The following LPP variants were observed in gnomAD, a reference collection of about 807,000 sequenced individuals.
The protein encoded by LPP is lipoma-preferred partner.
A neutral mutation model predicts 60.4 loss-of-function variants in LPP; 38 were observed. The observed-to-expected ratio is 0.63, with a 90% CI of 0.49 to 0.83. The LOEUF (loss-of-function observed/expected upper bound fraction) is 0.83, where lower values mean the gene tolerates loss of function less well. LPP is among the 40% of genes least tolerant of loss of function. The pLI, the probability that LPP is intolerant of heterozygous loss-of-function variation, is 0.00. For missense variants in LPP, 902 were observed against 783.6 expected (o/e 1.15, Z -1.80); for synonymous variants, 328 against 290.8 (o/e 1.13, Z -1.30).
chr3:188,621,613 T>C (rs1845812924), intron 7 of LPP, among the ~76,000 whole-genome samples: 1 of 152,210 alleles, frequency 6.6e-6, no homozygotes, highest in Admixed American at 6.5e-5. Flanking sequence ...CACATCCTAG[T>C]GCGTGTAACC....
intron 8 of LPP, among the ~76,000 whole-genome samples, chr3:188,716,086 C>A (rs1713874226): frequency 6.6e-6 from 1 of 152,218 alleles, no homozygotes; most frequent in Non-Finnish European, 1.5e-5. Context: ...GGTAAATTAT[C>A]TTCTCAGAAC....
intron 4 of LPP, among the ~76,000 whole-genome samples, chr3:188,407,430 G>A (rs2148878350): frequency 6.6e-6 from 1 of 152,308 alleles, no homozygotes; most frequent in East Asian, 1.9e-4. Context: ...CCTAGGTTGG[G>A]TGGTAGAGAG....
intron 7 of LPP, among the ~76,000 whole-genome samples, chr3:188,705,210 T>G (rs1241790110): frequency 2.0e-5 from 3 of 152,240 alleles, no homozygotes; most frequent in African/African-American, 4.8e-5. Context: ...AGAATCTCCT[T>G]TAACATTTCC....
intron 1 of LPP, among the ~76,000 whole-genome samples, chr3:188,186,779 T>C (rs934832649): frequency 4.8e-5 from 7 of 145,916 alleles, no homozygotes; most frequent in Admixed American, 3.7e-4. Flanking sequence ...ATCATATTTC[T>C]AAATAATATG....
Position 188,484,775 on chromosome 3 carries a change from G to A in LPP, c.306+71G>A, listed in dbSNP as rs116830702. The A allele has an allele frequency of 5.5e-4, 612 of 1,115,516 alleles. 5 individuals carry two copies. In the African/African-American group the frequency reaches 6.8e-3, roughly 12 times the overall value. The allele number at this position is 1,115,516 out of a possible 1,614,324, so 69.1% of individuals were successfully genotyped here. ...AGTCATGTTTATAAGCCATCCTAGG[G>A]AGCTCATGAATTTCATGAGTGTTTC... On this transcript the variant is annotated intron_variant, in intron 5 of 11. Transcript: ENST00000617246.
chr3:188,756,484 G>T (rs1730295566), intron 8 of LPP, among the ~76,000 whole-genome samples: 1 of 152,104 alleles, frequency 6.6e-6, no homozygotes, highest in Admixed American at 6.6e-5. Context: ...TGAGATACTT[G>T]TCTAAAAGAT....
chr3:188,774,911 A>C (rs1737237006), intron 9 of LPP, among the ~76,000 whole-genome samples: 1 of 152,104 alleles, frequency 6.6e-6, no homozygotes, highest in Admixed American at 6.5e-5. Flanking sequence ...TCAACATATA[A>C]ATTTATAAAG....
chr3:188,178,950 CAGAG>C (rs1266634293), intron 1 of LPP: 1 of 259,200 alleles, frequency 3.9e-6, no homozygotes, highest in Non-Finnish European at 7.7e-6. Context: ...TATATTAGGC[CAGAG>C]GTGGGGAGTG....
chr3:188,765,867 T>C (rs1354827930), intron 9 of LPP, among the ~76,000 whole-genome samples: 1 of 129,984 alleles, frequency 7.7e-6, no homozygotes, highest in Admixed American at 7.7e-5. Flanking sequence ...AACTCTTTTT[T>C]TTTTTTTTTT....
intron 2 of LPP, among the ~76,000 whole-genome samples, chr3:188,252,878 T>A (rs891166370): frequency 6.6e-6 from 1 of 152,246 alleles, no homozygotes; most frequent in African/African-American, 2.4e-5. Context: ...TTCAAGTGAT[T>A]CCCCTGCCTC....
chr3:188,412,044 A>C (rs1785034718), intron 4 of LPP, among the ~76,000 whole-genome samples: 1 of 151,874 alleles, frequency 6.6e-6, no homozygotes, highest in Admixed American at 6.6e-5. Context: ...CCATCATTAA[A>C]ATAGATAATC....
chr3:188,359,096 C>A (rs1041273475), intron 3 of LPP, among the ~76,000 whole-genome samples: 10 of 152,212 alleles, frequency 6.6e-5, no homozygotes, highest in Admixed American at 2.0e-4. Flanking sequence ...GAGCCCTCTT[C>A]CAGCCAACCA....
intron 6 of LPP, among the ~76,000 whole-genome samples, chr3:188,564,896 T>G (rs1337948689): frequency 1.3e-5 from 2 of 151,990 alleles, no homozygotes; most frequent in Non-Finnish European, 2.9e-5. Context: ...CTGTTTAGTC[T>G]TCTTCTGAAC....
chr3:188,791,831 T>A (rs952166690), intron 9 of LPP, among the ~76,000 whole-genome samples: 2 of 152,242 alleles, frequency 1.3e-5, no homozygotes, highest in African/African-American at 4.8e-5. Context: ...CACCTGTTAT[T>A]TTTTTAGTAT....
At chr3:188,760,409 G>GGTGGGT (rs1553836226) in intron 9 of LPP, 127 bp downstream of exon 9, 201 of 602,814 alleles carry the variant, frequency 3.3e-4, no homozygotes, top group Admixed American at 2.3e-3. Context: ...GTGTGTGTGG[G>GGTGGGT]GTGTGTGTGT....
intron 4 of LPP, among the ~76,000 whole-genome samples, chr3:188,457,728 TAAA>T (rs1233519681): frequency 9.7e-6 from 1 of 103,426 alleles, no homozygotes; most frequent in Non-Finnish European, 2.2e-5. Flanking sequence ...CTGTCTCTAC[TAAA>T]AAAAAAAAAT....
At chr3:188,533,236 G>A (rs1019276307) in intron 6 of LPP, among the ~76,000 whole-genome samples, 3 of 152,158 alleles carry the variant, frequency 2.0e-5, no homozygotes, top group African/African-American at 7.2e-5. Context: ...ACGCCATGAG[G>A]AGCTGCAGGG....
At chr3:188,277,569 T>C (rs2149869856) in intron 2 of LPP, among the ~76,000 whole-genome samples, 1 of 152,350 alleles carries the variant, frequency 6.6e-6, no homozygotes, top group South Asian at 2.1e-4. Flanking sequence ...TAAAACCTGC[T>C]AATAATAAGA....
intron 7 of LPP, among the ~76,000 whole-genome samples, chr3:188,702,635 A>G (rs926427998): frequency 1.3e-5 from 2 of 152,204 alleles, no homozygotes; most frequent in East Asian, 3.8e-4. Flanking sequence ...TCTGTCGCTC[A>G]GTAACTCACC....
Sources: allele counts gnomAD v4.1 joint callset (sites outside exome capture counted in the v4.1 genomes callset), GRCh38; gene constraint gnomAD v4.1.1; transcripts MANE v1.5; gene names NCBI Gene and HGNC (gene_info 2026-07-23, HGNC 2026-07-21).